BLTP3B: variants seen among roughly 807,000 people sequenced by gnomAD.
BLTP3B encodes UHRF1 (ICBP90) binding protein 1-like.
At chr12:100,137,879 TC>T in the BLTP3B span, among the ~76,000 whole-genome samples, 42 of 152,170 alleles carry the variant, frequency 2.8e-4, no homozygotes, top group Non-Finnish European at 2.1e-4. Flanking sequence ...AATAGCCCTC[TC>T]CATTACCATA....
chr12:100,084,378 TCACACACA>T, the BLTP3B span: 23,916 of 661,344 alleles, frequency 0.036, 209 homozygotes, highest in South Asian at 0.054. Flanking sequence ...AATACTATGA[TCACACACA>T]CACACACACA....
At chr12:100,126,327 A>G in the BLTP3B span, among the ~76,000 whole-genome samples, 3 of 152,218 alleles carry the variant, frequency 2.0e-5, no homozygotes, top group Non-Finnish European at 2.9e-5. Flanking sequence ...TTGAGAAGCC[A>G]ACTGAAGCCA....
chr12:100,134,330 C>T, the BLTP3B span, among the ~76,000 whole-genome samples: 5 of 152,206 alleles, frequency 3.3e-5, no homozygotes, highest in East Asian at 1.9e-4. Context: ...TTGGGCTGGG[C>T]GCAGTGGCTC....
At chr12:100,092,988 T>C in the BLTP3B span, 1 of 984,126 alleles carries the variant, frequency 1.0e-6, no homozygotes, top group Non-Finnish European at 1.2e-6. Context: ...TCTGAACTTT[T>C]CTCTCTTCCT....
the BLTP3B span, among the ~76,000 whole-genome samples, chr12:100,141,272 T>C: frequency 2.5e-3 from 383 of 152,116 alleles, 1 homozygote; most frequent in African/African-American, 8.9e-3. Flanking sequence ...TCACCTGAGG[T>C]TGGGAGTTCA....
chr12:100,048,707 C>A, the BLTP3B span, among the ~76,000 whole-genome samples: 1 of 127,590 alleles, frequency 7.8e-6, no homozygotes, highest in Non-Finnish European at 1.6e-5. Flanking sequence ...AGAAGGCAAA[C>A]CAAAAACTGA....
At chr12:100,114,398 G>A in the BLTP3B span, among the ~76,000 whole-genome samples, 3 of 152,104 alleles carry the variant, frequency 2.0e-5, no homozygotes, top group East Asian at 5.8e-4. Flanking sequence ...GAACTGAAAG[G>A]TACTGAAAAG....
At chr12:100,109,261 T>C in the BLTP3B span, among the ~76,000 whole-genome samples, 2 of 148,348 alleles carry the variant, frequency 1.3e-5, no homozygotes, top group Admixed American at 6.8e-5. Context: ...CCTTCCACCA[T>C]GATTGTGAGT....
the BLTP3B span, among the ~76,000 whole-genome samples, chr12:100,067,676 C>T: frequency 6.6e-6 from 1 of 151,570 alleles, no homozygotes; most frequent in South Asian, 2.1e-4. Flanking sequence ...AACAAGCAGC[C>T]AAACTGAAAT....
chr12:100,080,270 T>C, the BLTP3B span, among the ~76,000 whole-genome samples: 2 of 151,690 alleles, frequency 1.3e-5, no homozygotes, highest in Admixed American at 6.6e-5. Context: ...TCAATACCAG[T>C]CCATGAAAGC....
the BLTP3B span, among the ~76,000 whole-genome samples, chr12:100,134,575 C>T: frequency 6.6e-6 from 1 of 151,894 alleles, no homozygotes; most frequent in Non-Finnish European, 1.5e-5. Flanking sequence ...TGAGATTGTG[C>T]CACTGCACTC....
chr12:100,090,165 G>A, the BLTP3B span, among the ~76,000 whole-genome samples: 1 of 152,176 alleles, frequency 6.6e-6, no homozygotes, highest in South Asian at 2.1e-4. Flanking sequence ...CATCTTTGTA[G>A]AAGCCCCTGT....
the BLTP3B span, chr12:100,103,874 T>C: frequency 4.0e-6 from 6 of 1,508,000 alleles, no homozygotes; most frequent in African/African-American, 4.2e-5. Flanking sequence ...ATAATGTATA[T>C]ATATAAATGT....
At chr12:100,084,566 C>T in the BLTP3B span, 24 of 1,613,962 alleles carry the variant, frequency 1.5e-5, no homozygotes, top group Non-Finnish European at 1.9e-5. Context: ...AGCATTTCAA[C>T]GTTGCACTCA....
chr12:100,100,482 A>T, the BLTP3B span, among the ~76,000 whole-genome samples: 12 of 151,954 alleles, frequency 7.9e-5, no homozygotes, highest in Admixed American at 7.9e-4. Flanking sequence ...AGGCAAAGGG[A>T]GGAGGATTGC....
the BLTP3B span, among the ~76,000 whole-genome samples, chr12:100,074,396 C>A: frequency 1.1e-3 from 165 of 152,134 alleles, no homozygotes; most frequent in African/African-American, 3.6e-3. Flanking sequence ...GCCAGGAGCT[C>A]GAGACCAGCG....
the BLTP3B span, among the ~76,000 whole-genome samples, chr12:100,048,773 T>TGA: frequency 8.2e-4 from 40 of 48,488 alleles, no homozygotes; most frequent in African/African-American, 1.6e-3. Context: ...TGAGAGTGAG[T>TGA]GTGTGTGTGT....
chr12:100,089,316 T>C, the BLTP3B span, among the ~76,000 whole-genome samples: 1 of 152,212 alleles, frequency 6.6e-6, no homozygotes, highest in African/African-American at 2.4e-5. Context: ...CACAACACTT[T>C]GGGAGGCCGA....
At chr12:100,097,065 G>C in the BLTP3B span, among the ~76,000 whole-genome samples, 2,106 of 152,116 alleles carry the variant, frequency 0.014, 49 homozygotes, top group Admixed American at 0.057. Context: ...GGGCAATATA[G>C]TGAGATCTCA....
Sources: gnomAD v4.1 joint callset for allele counts (sites outside exome capture counted in the v4.1 genomes callset) on GRCh38, gnomAD v4.1.1 for gene constraint, MANE v1.5 for transcripts, NCBI Gene and HGNC (gene_info 2026-07-23, HGNC 2026-07-21) for gene names.